Variants in AKAP12 observed in about 807,000 individuals in gnomAD.
AKAP12 encodes A-kinase anchor protein 12.
AKAP12 carries 32 observed loss-of-function variants against 79.9 expected under a neutral mutation model. That is an observed-to-expected ratio of 0.40 (90% CI 0.30 to 0.54). The LOEUF (loss-of-function observed/expected upper bound fraction) is 0.54, where lower values mean the gene tolerates loss of function less well. Among genes scored for constraint, AKAP12 ranks in the 20% least tolerant of loss-of-function variants. The pLI, the probability that AKAP12 is intolerant of heterozygous loss-of-function variation, is 0.48. For missense variants in AKAP12, 2,074 were observed against 2,177.0 expected, an observed-to-expected ratio of 0.95 and a Z score of 0.94; for synonymous variants, 808 against 857.0, an observed-to-expected ratio of 0.94 and a Z score of 1.00.
intron 2 of AKAP12, among the ~76,000 whole-genome samples, chr6:151,288,511 CAAAA>C (rs748768716): frequency 2.2e-4 from 33 of 152,068 alleles, no homozygotes; most frequent in Admixed American, 7.2e-4. Context: ...GACATCGTCT[CAAAA>C]GAAAGAAAGA....
In AKAP12 at chr6:151,254,877, G is replaced by A. The variant is rs1414166407; in HGVS notation, c.162+14153G>A. 2.0e-5 allele frequency among the ~76,000 whole-genome samples: 3 copies of A among 152,176 alleles called. No individual in the cohort carries two copies. The South Asian group carries it at 6.2e-4, about 31-fold the overall frequency. ...TGATAAACAATCTCTGCATGACAGG[G>A]AGGAATGCAAAGAATGCTTAAGTAT... On this transcript the variant is annotated intron_variant, in intron 2 of 4. Coordinates refer to ENST00000402676, the MANE Select transcript of AKAP12 (RefSeq NM_005100.4).
chr6:151,354,244 A>G (rs556906339), intron 4 of AKAP12, among the ~76,000 whole-genome samples: 2 of 152,186 alleles, frequency 1.3e-5, no homozygotes, highest in African/African-American at 2.4e-5. Context: ...TTCAGAAAAA[A>G]TGGATTTTTT....
At chr6:151,298,611 T>C (rs371832385) in intron 2 of AKAP12, among the ~76,000 whole-genome samples, 76 of 152,102 alleles carry the variant, frequency 5.0e-4, no homozygotes, top group African/African-American at 1.6e-3. Flanking sequence ...CTGACCAACA[T>C]GGTGAAACCC....
At chr6:151,304,215 C>T (rs988259043) in intron 2 of AKAP12, among the ~76,000 whole-genome samples, 3 of 151,990 alleles carry the variant, frequency 2.0e-5, no homozygotes, top group Non-Finnish European at 4.4e-5. Flanking sequence ...GCAAGCCGGG[C>T]ACAGTGGCTC....
intron 3 of AKAP12, chr6:151,325,709 G>T (rs952423085): frequency 6.8e-6 from 10 of 1,475,664 alleles, no homozygotes; most frequent in African/African-American, 2.8e-5. Context: ...GGGCACCTCC[G>T]GTTCTCCCCC....
At chr6:151,293,879 G>A (rs551138942) in intron 2 of AKAP12, among the ~76,000 whole-genome samples, 1 of 152,258 alleles carries the variant, frequency 6.6e-6, no homozygotes, top group South Asian at 2.1e-4. Context: ...ATCATATCAT[G>A]GATCCAGCAT....
intron 2 of AKAP12, among the ~76,000 whole-genome samples, chr6:151,303,754 A>G (rs149266367): frequency 4.0e-4 from 61 of 152,326 alleles, no homozygotes; most frequent in African/African-American, 1.4e-3. Flanking sequence ...AATTGTGTGT[A>G]GTAACAGGAC....
In AKAP12 at chr6:151,296,188, A is replaced by G. The variant is rs546661120; in HGVS notation, c.163-9559A>G. ...AGCAGGAAGAGAGCTCTGGAGGCCA[A>G]TTTCTCAGAGATAAGGGCTTCTTAT... is the stretch of plus-strand genomic sequence containing the variant. On this transcript the variant is annotated intron_variant, in intron 2 of 4. Coordinates refer to ENST00000402676, the MANE Select transcript of AKAP12 (RefSeq NM_005100.4). 7.2e-5 allele frequency among the ~76,000 whole-genome samples: 11 copies of G among 152,256 alleles called. No individual in the cohort carries two copies. The South Asian group carries it at 2.1e-3, about 29-fold the overall frequency.
In AKAP12 at chr6:151,324,896, CAT is replaced by C. The variant is rs1044433421; in HGVS notation, c.319+18995_319+18996del. 13 of 985,314 alleles carry C rather than the reference CAT, an allele frequency of 1.3e-5. No homozygotes were observed. The African/African-American group carries it at 2.1e-4, about 16-fold the overall frequency. 61.0% of individuals were successfully genotyped at this position (985,314 alleles called of 1,614,324 possible). On this transcript the variant is annotated intron_variant, in intron 3 of 4. Transcript: ENST00000402676. ...TGCCTGAAATCTTCTGAACTTTTAA[CAT>C]AGGCTTTGATTTCCGAGTTGTGTGC...
intron 2 of AKAP12, among the ~76,000 whole-genome samples, chr6:151,302,369 A>G (rs1017689678): frequency 2.6e-5 from 4 of 152,114 alleles, no homozygotes; most frequent in African/African-American, 9.7e-5. Context: ...TATGTTGTCC[A>G]GGCTGGCCTC....
intron 3 of AKAP12, among the ~76,000 whole-genome samples, chr6:151,344,765 C>G (rs1156668551): frequency 6.6e-6 from 1 of 152,116 alleles, no homozygotes; most frequent in Non-Finnish European, 1.5e-5. Flanking sequence ...AACTCCTGAC[C>G]TTAAATGATC....
At chr6:151,284,015 G>A (rs932355706) in intron 2 of AKAP12, among the ~76,000 whole-genome samples, 4 of 152,188 alleles carry the variant, frequency 2.6e-5, no homozygotes, top group Admixed American at 6.5e-5. Context: ...TTTAGGGTTT[G>A]TCTGTGGTCA....
chr6:151,289,232 C>T (rs965929814), intron 2 of AKAP12, among the ~76,000 whole-genome samples: 14 of 152,170 alleles, frequency 9.2e-5, no homozygotes, highest in African/African-American at 2.9e-4. Flanking sequence ...AGCCAGCCCT[C>T]GAGCGCAGAC....
intron 3 of AKAP12, among the ~76,000 whole-genome samples, chr6:151,313,381 T>C (rs1343886775): frequency 6.6e-6 from 1 of 152,242 alleles, no homozygotes; most frequent in African/African-American, 2.4e-5. Flanking sequence ...TTGTAATGTT[T>C]TGAAGACTGG....
Position 151,351,259 on chromosome 6 carries a change from G to C in AKAP12, c.2868G>C (p.Glu956Asp). The change falls in exon 4 of 5, where the codon GAG becomes GAC. Residue 956 changes from glutamate (E) to aspartate (D), a missense_variant. Coordinates refer to ENST00000402676, the MANE Select transcript of AKAP12 (RefSeq NM_005100.4). This position sits in a 1 kb window ranked among gnomAD's most constrained non-coding sequence, Gnocchi z 4.4. ...CCACGGTTACTGAACCTCTGCCAGA[G>C]AACAGAGAGGCCCGGGGCGACACGG... is the stretch of plus-strand genomic sequence containing the variant. ...EPPTVTEPLP[E>D]NREARGDTVV... The C allele has an allele frequency of 6.2e-7, 1 of 1,614,216 alleles. No homozygotes were observed. Among genetic ancestry groups the C allele is most frequent in the African/African-American group, 1.3e-5 (1 of 75,060 alleles).
At chr6:151,340,827 G>A (rs1173077068) in intron 3 of AKAP12, among the ~76,000 whole-genome samples, 5 of 152,078 alleles carry the variant, frequency 3.3e-5, no homozygotes, top group African/African-American at 9.7e-5. Flanking sequence ...TTTGCAGAAC[G>A]TCCTTCATTG....
At position 151,297,924 on chromosome 6, in the gene AKAP12, G is replaced by A. The variant is rs1378659107; in HGVS notation, c.163-7823G>A. 2.0e-5 allele frequency among the ~76,000 whole-genome samples: 3 copies of A among 152,212 alleles called. No homozygotes were observed. In the South Asian group the frequency reaches 6.2e-4, roughly 32 times the overall value. On this transcript the variant is annotated intron_variant, in intron 2 of 4. Coordinates refer to ENST00000402676, the MANE Select transcript of AKAP12 (RefSeq NM_005100.4). The stretch of plus-strand genomic sequence containing the variant: ...ACCTTGATTTGATCAAATGGACCAA[G>A]TCTCATAAAATGGCTGCTGAGTGCT...
chr6:151,349,212 A>G lies in AKAP12; in HGVS notation c.821A>G (p.Glu274Gly). 6.2e-7 allele frequency: 1 copy of G among 1,613,940 alleles called. No homozygotes were observed. Among genetic ancestry groups the G allele is most frequent in the Non-Finnish European group, 8.5e-7 (1 of 1,180,020 alleles). The stretch of plus-strand genomic sequence containing the variant: ...AAAGAGGAAGGAGAAGAGAAACAAG[A>G]AAAAGAACCTAGCAAGTCTGCAGAA... ...ECKEEGEEKQ[E>G]KEPSKSAESP... The change falls in exon 4 of 5, where the codon GAA becomes GGA. Residue 274 changes from glutamate (E) to glycine (G), a missense_variant. Transcript: ENST00000402676.
At chr6:151,286,042 A>G (rs569996425) in intron 2 of AKAP12, among the ~76,000 whole-genome samples, 3 of 151,972 alleles carry the variant, frequency 2.0e-5, no homozygotes, top group Non-Finnish European at 4.4e-5. Context: ...TGCCTGGGTA[A>G]TTTTTTTGTA....
Sources: gnomAD v4.1 joint callset for allele counts (sites outside exome capture counted in the v4.1 genomes callset) on GRCh38, gnomAD v4.1.1 for gene constraint, Gnocchi (gnomAD v3.1) non-coding constraint, MANE v1.5 for transcripts, NCBI Gene and HGNC (gene_info 2026-07-23, HGNC 2026-07-21) for gene names.